Variants in CCSER1 observed in about 807,000 individuals in gnomAD.
CCSER1 encodes coiled-coil serine rich protein 1.
A neutral mutation model predicts 82.0 loss-of-function variants in CCSER1; 41 were observed. The observed-to-expected ratio is 0.50, with a 90% confidence interval of 0.39 to 0.65. CCSER1 has a LOEUF of 0.65. Ranked by LOEUF, CCSER1 falls within the 30% of genes least tolerant of loss-of-function variation. CCSER1 has a pLI of 0.00. For missense variants in CCSER1, 1,119 were observed against 1,064.2 expected (o/e 1.05, Z -0.72); for synonymous variants, 414 against 383.9 (o/e 1.08, Z -0.92).
chr4:91,385,574 G>A (rs1281744224), intron 10 of CCSER1, among the ~76,000 whole-genome samples: 1 of 151,536 alleles, frequency 6.6e-6, no homozygotes, highest in African/African-American at 2.4e-5. Context: ...AACTAAAACT[G>A]ATAAGCCAGT....
In CCSER1 at chr4:90,308,338, CAGA is replaced by C. The variant is rs761674140; in HGVS notation, c.60_62del (p.Arg20del). 4.3e-6 allele frequency: 7 copies of C among 1,610,436 alleles called. No homozygotes were observed. In the Admixed American group the frequency reaches 8.4e-5, roughly 19 times the overall value. ...CCCTGGTCTCCCGGTTGCCAATATT[CAGA>C]AGAAGTATTAACAGAAGACATGATT... On this transcript the variant is annotated inframe_deletion, in exon 2 of 11. Coordinates refer to ENST00000509176, the MANE Select transcript of CCSER1 (RefSeq NM_001145065.2).
intron 9 of CCSER1, among the ~76,000 whole-genome samples, chr4:91,077,888 G>C (rs1227064678): frequency 6.6e-6 from 1 of 152,244 alleles, no homozygotes; most frequent in Admixed American, 6.5e-5. Context: ...GTGGCAGCGA[G>C]GCTGGTGGAG....
intron 10 of CCSER1, among the ~76,000 whole-genome samples, chr4:91,540,217 C>T (rs561170626): frequency 1.1e-4 from 16 of 152,192 alleles, no homozygotes; most frequent in African/African-American, 3.4e-4. Flanking sequence ...AGAGTCAAAC[C>T]TACATTGATG....
chr4:91,069,887 A>C lies in CCSER1; in HGVS notation c.2173-16063A>C, dbSNP rs184165810. On this transcript the variant is annotated intron_variant, in intron 9 of 10. Transcript: ENST00000509176. The stretch of plus-strand genomic sequence containing the variant: ...TTCAGAAACCCATTGAATGCCATTT[A>C]GAATTTATTGTATATAATCATATAT... Among the ~76,000 whole-genome samples the C allele has an allele frequency of 2.1e-3, 318 of 152,348 alleles. 1 individual carries two copies. Among genetic ancestry groups the C allele is most frequent in the Non-Finnish European group, 3.3e-3 (223 of 68,038 alleles).
chr4:90,819,545 T>C (rs1173289778), intron 8 of CCSER1, among the ~76,000 whole-genome samples: 1 of 152,196 alleles, frequency 6.6e-6, no homozygotes, highest in Non-Finnish European at 1.5e-5. Context: ...GCTGGGTGGG[T>C]AGATTTCACA....
intron 10 of CCSER1, among the ~76,000 whole-genome samples, chr4:91,358,522 A>T (rs1381948795): frequency 6.6e-6 from 1 of 151,972 alleles, no homozygotes; most frequent in African/African-American, 2.4e-5. Flanking sequence ...TGAAATTCAA[A>T]ATCCAAGTAT....
At chr4:90,220,279 G>T (rs911769455) in intron 1 of CCSER1, among the ~76,000 whole-genome samples, 12 of 152,032 alleles carry the variant, frequency 7.9e-5, no homozygotes, top group African/African-American at 2.4e-4. Flanking sequence ...GTCTTGGAAG[G>T]TATCCTCTGT....
At position 90,298,435 on chromosome 4, in the gene CCSER1, A is replaced by G. The variant is rs1249526147; in HGVS notation, c.-41-9809A>G. On this transcript the variant is annotated intron_variant, in intron 1 of 10. Transcript: ENST00000509176. ...GTCTATCAATTTTGTTGATCCTTTC[A>G]AAAAACCAGCTCCTGGATTCATTAA... Among the ~76,000 whole-genome samples the G allele has an allele frequency of 2.0e-5, 3 of 151,106 alleles. No individual in the cohort carries two copies. In the East Asian group the frequency reaches 5.8e-4, roughly 29 times the overall value.
At position 90,169,642 on chromosome 4, in the gene CCSER1, A is replaced by G. The variant is rs72876126; in HGVS notation, c.-42+41811A>G. On this transcript the variant is annotated intron_variant, in intron 1 of 10. Coordinates refer to ENST00000509176, the MANE Select transcript of CCSER1 (RefSeq NM_001145065.2). ...ACTTGTGAAACTGCTATAAACCATCATGTTACTGAAATGCATTCATTTTAA... is the reference window on the plus strand; with the variant it reads ...ACTTGTGAAACTGCTATAAACCATCGTGTTACTGAAATGCATTCATTTTAA... Among the ~76,000 whole-genome samples the G allele has an allele frequency of 8.0e-3, 1,223 of 152,152 alleles. 19 individuals carry two copies. The highest frequency in any genetic ancestry group is 0.028 in the African/African-American group (1,160 of 41,530).
intron 10 of CCSER1, among the ~76,000 whole-genome samples, chr4:91,398,316 T>C (rs539148997): frequency 6.6e-6 from 1 of 152,020 alleles, no homozygotes; most frequent in African/African-American, 2.4e-5. Context: ...GAAACTGTGT[T>C]ACATAGGGAG....
At chr4:91,010,729 T>C (rs1353053803) in intron 9 of CCSER1, among the ~76,000 whole-genome samples, 1 of 134,998 alleles carries the variant, frequency 7.4e-6, no homozygotes, top group Non-Finnish European at 1.7e-5. Context: ...TCATTTCACT[T>C]GTTGAATTCT....
rs866740703 is a variant in CCSER1 at position 90,308,461 on chromosome 4, G to A, written c.177G>A (p.Arg59=). The A allele has an allele frequency of 1.2e-6, 2 of 1,613,820 alleles. No individual in the cohort carries two copies. The highest frequency in any genetic ancestry group is 1.3e-5 in the African/African-American group (1 of 75,024). The change falls in exon 2 of 11, where the codon CGG becomes CGA. Residue 59 remains arginine (R), a synonymous_variant. Coordinates refer to ENST00000509176, the MANE Select transcript of CCSER1 (RefSeq NM_001145065.2). ...TNSSSGSTGK[R]RSIFRTPSIS... ...CAAGCTCAGGTAGCACAGGTAAACG[G>A]AGGAGCATATTCCGTACTCCTTCCA...
chr4:90,757,933 CTTTTTTTTT>C (rs200053849), intron 7 of CCSER1, among the ~76,000 whole-genome samples: 4 of 136,490 alleles, frequency 2.9e-5, no homozygotes. Flanking sequence ...GTTTCCTTTT[CTTTTTTTTT>C]TTTTTTTTCT....
chr4:90,697,478 C>A (rs185890657), intron 6 of CCSER1, among the ~76,000 whole-genome samples: 10 of 152,134 alleles, frequency 6.6e-5, no homozygotes, highest in Admixed American at 6.5e-4. Context: ...CAAAAATAAA[C>A]CATTCTTTGT....
chr4:91,078,449 G>A (rs1351928588), intron 9 of CCSER1, among the ~76,000 whole-genome samples: 2 of 152,168 alleles, frequency 1.3e-5, no homozygotes, highest in Non-Finnish European at 2.9e-5. Flanking sequence ...AAGACCAAAG[G>A]TAGATAAAAC....
chr4:91,085,258 G>A (rs568673804), intron 9 of CCSER1, among the ~76,000 whole-genome samples: 3 of 152,084 alleles, frequency 2.0e-5, no homozygotes, highest in African/African-American at 4.8e-5. Flanking sequence ...ATGATAGTGT[G>A]AACATTTTTA....
chr4:90,651,951 G>A (rs1207913127), intron 6 of CCSER1, among the ~76,000 whole-genome samples: 1 of 152,038 alleles, frequency 6.6e-6, no homozygotes, highest in Admixed American at 6.6e-5. Flanking sequence ...ATGGACAACT[G>A]GAGTCAATGG....
intron 1 of CCSER1, among the ~76,000 whole-genome samples, chr4:90,261,706 G>A (rs1001607012): frequency 6.6e-6 from 1 of 152,072 alleles, no homozygotes; most frequent in Non-Finnish European, 1.5e-5. Context: ...CAAACTTTTA[G>A]TCTTCTCTTC....
At chr4:90,993,186 A>T (rs1186367263) in intron 9 of CCSER1, among the ~76,000 whole-genome samples, 1 of 152,046 alleles carries the variant, frequency 6.6e-6, no homozygotes, top group Non-Finnish European at 1.5e-5. Context: ...TTTGATGTAA[A>T]TGTAGTCATT....
Sources: allele counts gnomAD v4.1 joint callset (sites outside exome capture counted in the v4.1 genomes callset), GRCh38; gene constraint gnomAD v4.1.1; transcripts MANE v1.5; gene names NCBI Gene and HGNC (gene_info 2026-07-23, HGNC 2026-07-21).